FAM135A: variants seen among roughly 807,000 people sequenced by gnomAD.
FAM135A encodes the protein family with sequence similarity 135 member A.
FAM135A carries 79 observed loss-of-function variants against 146.8 expected under a neutral mutation model. That is an observed-to-expected ratio of 0.54 (90% confidence interval 0.45 to 0.65). FAM135A has a LOEUF of 0.65. Ranked by LOEUF, FAM135A falls within the 30% of genes least tolerant of loss-of-function variation. The pLI, the probability that FAM135A is intolerant of heterozygous loss-of-function variation, is 0.00. For missense variants in FAM135A, 1,623 were observed against 1,758.2 expected (o/e 0.92, Z 1.38); for synonymous variants, 562 against 603.6 (o/e 0.93, Z 1.01).
rs144771322 is a variant in FAM135A at position 70,429,078 on chromosome 6, G to C, written c.77+659G>C. Reference sequence around the variant, plus strand: ...TTTAGTATGTTAGAAAAGGCATTATGGAGGGATAAGATCAAAGTATGGCTA... The same window carrying C: ...TTTAGTATGTTAGAAAAGGCATTATCGAGGGATAAGATCAAAGTATGGCTA... On this transcript the variant is annotated intron_variant, in intron 4 of 21. Transcript: ENST00000418814. 5.6e-3 allele frequency among the ~76,000 whole-genome samples: 857 copies of C among 152,248 alleles called. 3 individuals are homozygous for C. Among genetic ancestry groups the C allele is most frequent in the Non-Finnish European group, 8.2e-3 (558 of 68,012 alleles).
At chr6:70,420,936 G>A (rs1768687711) in intron 2 of FAM135A, among the ~76,000 whole-genome samples, 1 of 151,464 alleles carries the variant, frequency 6.6e-6, no homozygotes, top group Non-Finnish European at 1.5e-5. Flanking sequence ...AGGCTGGAGT[G>A]TGTGGCGTGA....
At chr6:70,552,695 C>T (rs1259930313) in intron 20 of FAM135A, among the ~76,000 whole-genome samples, 1 of 151,930 alleles carries the variant, frequency 6.6e-6, no homozygotes, top group Non-Finnish European at 1.5e-5. Flanking sequence ...GTCTCAAATT[C>T]CTGACCTTGT....
At chr6:70,459,680 A>G (rs1050304789) in intron 5 of FAM135A, among the ~76,000 whole-genome samples, 1 of 152,192 alleles carries the variant, frequency 6.6e-6, no homozygotes, top group Non-Finnish European at 1.5e-5. Flanking sequence ...ATATTCATCC[A>G]TCTTTTTTTC....
At chr6:70,471,918 T>C (rs1781701120) in intron 5 of FAM135A, among the ~76,000 whole-genome samples, 1 of 152,058 alleles carries the variant, frequency 6.6e-6, no homozygotes, top group South Asian at 2.1e-4. Context: ...TCACCAACAG[T>C]TATGGCTAGA....
At chr6:70,465,162 A>G (rs1259300051) in intron 5 of FAM135A, among the ~76,000 whole-genome samples, 1 of 152,100 alleles carries the variant, frequency 6.6e-6, no homozygotes, top group Non-Finnish European at 1.5e-5. Flanking sequence ...TATTTCACTT[A>G]GCATAATGTC....
rs1405617448 is a variant in FAM135A at position 70,524,808 on chromosome 6, G to C, written c.1724G>C (p.Cys575Ser). The change falls in exon 15 of 22, where the codon TGT (cysteine) becomes TCT (serine). Residue 575 changes from cysteine to serine, a missense_variant. This residue lies in a region of FAM135A where 1,061 missense variants were observed against 1,113.8 expected (regional missense o/e 0.95). Transcript: ENST00000418814. ...MRQTSQKEAS[C>S]LPTNTERTEQ... ...CAGACAAGTCAAAAGGAAGCTAGCT[G>C]TTTGCCAACTAATACAGAGAGAACT... 6.4e-7 allele frequency: 1 copy of C among 1,558,596 alleles called. No homozygotes were observed. Among genetic ancestry groups the C allele is most frequent in the Non-Finnish European group, 8.7e-7 (1 of 1,150,526 alleles).
intron 5 of FAM135A, among the ~76,000 whole-genome samples, chr6:70,471,528 A>C (rs999994620): frequency 6.6e-6 from 1 of 152,080 alleles, no homozygotes; most frequent in South Asian, 2.1e-4. Context: ...ACATGAATAC[A>C]TCCGGGGGAA....
At chr6:70,557,984 A>G (rs1377055922) in intron 21 of FAM135A, among the ~76,000 whole-genome samples, 3 of 152,244 alleles carry the variant, frequency 2.0e-5, no homozygotes, top group East Asian at 1.9e-4. Flanking sequence ...GAAAAAATTC[A>G]GAAGAGTCTT....
intron 11 of FAM135A, among the ~76,000 whole-genome samples, chr6:70,498,439 T>C (rs1787802885): frequency 6.6e-6 from 1 of 152,220 alleles, no homozygotes; most frequent in South Asian, 2.1e-4. Flanking sequence ...CCTGGATTCA[T>C]TGATTTTCTT....
At position 70,503,849 on chromosome 6, in the gene FAM135A, T is replaced by C. The variant is rs143462248; in HGVS notation, c.1029+1058T>C. On this transcript the variant is annotated intron_variant, in intron 12 of 21. Coordinates refer to ENST00000418814, the MANE Select transcript of FAM135A (RefSeq NM_001162529.3). ...AGATTGTTCATTATCATTGCTGTAA[T>C]ATATCTCCATTTGAATATACCCACA... is the stretch of plus-strand genomic sequence containing the variant. 1.9e-3 allele frequency: 282 copies of C among 152,352 alleles called. 2 individuals are homozygous for C. The highest frequency in any genetic ancestry group is 6.4e-3 in the African/African-American group (265 of 41,580). The allele number at this position is 152,352 out of a possible 1,614,324, so 9.4% of individuals were successfully genotyped here. A position where few individuals can be genotyped will look rare whatever the true frequency, so the allele number is the denominator to read the frequency against.
intron 20 of FAM135A, among the ~76,000 whole-genome samples, chr6:70,556,117 C>A (rs969896340): frequency 1.3e-5 from 2 of 151,962 alleles, no homozygotes; most frequent in African/African-American, 4.8e-5. Flanking sequence ...GGTGTGGTGG[C>A]CCACACCTGT....
chr6:70,546,433 C>G (rs1232650098), intron 20 of FAM135A, among the ~76,000 whole-genome samples: 1 of 152,084 alleles, frequency 6.6e-6, no homozygotes, highest in Non-Finnish European at 1.5e-5. Context: ...GCCCTTTTGC[C>G]TTTTTTATTT....
At chr6:70,545,865 G>A (rs1204819793) in intron 20 of FAM135A, among the ~76,000 whole-genome samples, 2 of 152,174 alleles carry the variant, frequency 1.3e-5, no homozygotes, top group Admixed American at 6.5e-5. Context: ...TGAAAAGCCA[G>A]TAAGCATTCG....
Position 70,560,129 on chromosome 6 carries a change from A to C in FAM135A, c.*208A>C, listed in dbSNP as rs1311660410. ...GGCTGTGCAATATTTTTTTAATTTT[A>C]TCTTTTTACTTTTCTATTACTTTTT... On this transcript the variant is annotated 3_prime_UTR_variant, in exon 22 of 22. Transcript: ENST00000418814. The C allele has an allele frequency of 2.1e-6, 1 of 484,020 alleles. No homozygotes were observed. The highest frequency in any genetic ancestry group is 3.8e-5 in the Admixed American group (1 of 26,080). 30.0% of individuals were successfully genotyped at this position (484,020 alleles called of 1,614,324 possible).
chr6:70,422,552 T>C (rs938052408), intron 2 of FAM135A, among the ~76,000 whole-genome samples: 1 of 152,158 alleles, frequency 6.6e-6, no homozygotes, highest in Non-Finnish European at 1.5e-5. Flanking sequence ...TAAAGGAAAT[T>C]AGGCAGCAAC....
intron 4 of FAM135A, among the ~76,000 whole-genome samples, chr6:70,435,063 G>T (rs942796675): frequency 1.1e-5 from 1 of 92,696 alleles, no homozygotes; most frequent in East Asian, 2.9e-4. Context: ...ATATATATAC[G>T]TGTGTGTGTG....
intron 2 of FAM135A, among the ~76,000 whole-genome samples, chr6:70,425,598 T>C (rs1360323135): frequency 6.6e-6 from 1 of 152,174 alleles, no homozygotes; most frequent in Non-Finnish European, 1.5e-5. Context: ...AAAATAATTA[T>C]ACCAAGGACA....
intron 4 of FAM135A, among the ~76,000 whole-genome samples, chr6:70,444,757 T>C (rs1775329604): frequency 6.6e-6 from 1 of 152,180 alleles, no homozygotes; most frequent in Non-Finnish European, 1.5e-5. Context: ...ACCTATCACA[T>C]AGATCTTCAA....
intron 12 of FAM135A, among the ~76,000 whole-genome samples, chr6:70,510,543 G>A (rs1790761949): frequency 6.6e-6 from 1 of 151,824 alleles, no homozygotes; most frequent in African/African-American, 2.4e-5. Context: ...TTTTGTATCT[G>A]GTTTCTTTCA....
Sources: gnomAD v4.1 joint callset for allele counts (sites outside exome capture counted in the v4.1 genomes callset) on GRCh38, gnomAD v4.1.1 for gene constraint, gnomAD v4.1.1 regional missense constraint, MANE v1.5 for transcripts, NCBI Gene and HGNC (gene_info 2026-07-23, HGNC 2026-07-21) for gene names.